GPATCH8: variants seen among roughly 807,000 people sequenced by gnomAD.
GPATCH8 encodes the protein G patch domain-containing protein 8.
In GPATCH8, 18 loss-of-function variants were observed where a neutral mutation model predicts 118.3. The ratio of observed to expected loss-of-function variants is 0.15; its 90% confidence interval spans 0.11 to 0.23. The LOEUF (loss-of-function observed/expected upper bound fraction) is 0.23, where lower values mean the gene tolerates loss of function less well. Ranked by LOEUF, GPATCH8 falls within the 10% of genes least tolerant of loss-of-function variation. The pLI is 1.00. For missense variants in GPATCH8, 1,631 were observed against 1,873.8 expected, an observed-to-expected ratio of 0.87 and a Z score of 2.39; for synonymous variants, 659 against 684.7, an observed-to-expected ratio of 0.96 and a Z score of 0.59.
chr17:44,407,943 T>C (rs936683351), intron 6 of GPATCH8, among the ~76,000 whole-genome samples: 1 of 151,846 alleles, frequency 6.6e-6, no homozygotes, highest in African/African-American at 2.4e-5. Flanking sequence ...AGGCATGAGA[T>C]ACCACACCCA....
chr17:44,461,991 C>T (rs1337016103), intron 3 of GPATCH8, among the ~76,000 whole-genome samples: 4 of 152,138 alleles, frequency 2.6e-5, no homozygotes, highest in Admixed American at 6.5e-5. Context: ...TAAGCCACAG[C>T]ACCCTGCCTA....
At chr17:44,488,590 C>T (rs1349502483) in intron 1 of GPATCH8, among the ~76,000 whole-genome samples, 8 of 149,612 alleles carry the variant, frequency 5.3e-5, no homozygotes, top group Non-Finnish European at 5.9e-5. Context: ...AGACTGGTCT[C>T]GAACTCCTGA....
At chr17:44,489,986 C>T (rs1413641306) in intron 1 of GPATCH8, among the ~76,000 whole-genome samples, 1 of 152,038 alleles carries the variant, frequency 6.6e-6, no homozygotes, top group African/African-American at 2.4e-5. Context: ...GATCATATAT[C>T]ATACAAACCA....
intron 6 of GPATCH8, among the ~76,000 whole-genome samples, chr17:44,415,208 C>A (rs1160977433): frequency 6.6e-6 from 1 of 152,228 alleles, no homozygotes; most frequent in Non-Finnish European, 1.5e-5. Flanking sequence ...TCTTCTCCAA[C>A]ACTTTGTTAG....
At chr17:44,414,568 CA>C (rs996863742) in intron 6 of GPATCH8, among the ~76,000 whole-genome samples, 1 of 152,194 alleles carries the variant, frequency 6.6e-6, no homozygotes, top group Non-Finnish European at 1.5e-5. Context: ...CTTGGCCTCC[CA>C]AAGTGTTTAC....
chr17:44,419,983 C>T (rs943738383), intron 6 of GPATCH8, among the ~76,000 whole-genome samples: 1 of 150,518 alleles, frequency 6.6e-6, no homozygotes, highest in African/African-American at 2.4e-5. Flanking sequence ...ACCTTTCAAG[C>T]AAATGAAGAA....
rs150194183 is a variant in GPATCH8, at chr17:44,398,231, A to G, written c.3846T>C (p.Tyr1282=). 3.5e-5 allele frequency: 57 copies of G among 1,613,092 alleles called. No homozygotes were observed. The South Asian group carries it at 4.6e-4, about 13-fold the overall frequency. The change falls in exon 8 of 8, where the codon TAT becomes TAC. Residue 1282 remains tyrosine, a synonymous_variant. Transcript: ENST00000591680. The part of the protein sequence containing the change: ...IAPDLEHFPS[Y]APPSGDPSIE... ...TACTAGGATCCCCACTGGGAGGTGCATAACTGGGGAAATGCTCAAGGTCTG... is the reference window on the plus strand; with the variant it reads ...TACTAGGATCCCCACTGGGAGGTGCGTAACTGGGGAAATGCTCAAGGTCTG...
chr17:44,492,107 C>T (rs1969290089), intron 1 of GPATCH8, among the ~76,000 whole-genome samples: 1 of 151,836 alleles, frequency 6.6e-6, no homozygotes, highest in Non-Finnish European at 1.5e-5. Flanking sequence ...CAAGACCAGC[C>T]TGGCCAACAT....
At chr17:44,480,371 G>A (rs1968128177) in intron 1 of GPATCH8, among the ~76,000 whole-genome samples, 1 of 151,770 alleles carries the variant, frequency 6.6e-6, no homozygotes, top group South Asian at 2.1e-4. Flanking sequence ...CACGAGGTCA[G>A]GAATTCAAGA....
intron 6 of GPATCH8, among the ~76,000 whole-genome samples, chr17:44,418,226 TATTA>T (rs1380656713): frequency 1.3e-5 from 2 of 152,270 alleles, no homozygotes; most frequent in Non-Finnish European, 2.9e-5. Context: ...GTGGTGCTGC[TATTA>T]ATTAATTTAC....
At chr17:44,425,653 C>T (rs2050064391) in intron 5 of GPATCH8, among the ~76,000 whole-genome samples, 1 of 152,130 alleles carries the variant, frequency 6.6e-6, no homozygotes, top group Non-Finnish European at 1.5e-5. Context: ...CTCGGCCTCC[C>T]AAGTATCTTG....
chr17:44,499,399 G>A lies in GPATCH8; in HGVS notation c.45+3927C>T, dbSNP rs556287704. On this transcript the variant is annotated intron_variant, in intron 1 of 7. Transcript: ENST00000591680. ...GCAGGAGAATCACTTGAACCCGGGAGGCGGAGGTTGAGGTGAGCCAAGATG... is the reference window on the plus strand; with the variant it reads ...GCAGGAGAATCACTTGAACCCGGGAAGCGGAGGTTGAGGTGAGCCAAGATG... Among the ~76,000 whole-genome samples, 965 of 152,334 alleles carry A rather than the reference G, an allele frequency of 6.3e-3. 6 individuals are homozygous for A. The highest frequency in any genetic ancestry group is 0.01 in the Middle Eastern group (3 of 294).
chr17:44,396,467 C>CA lies in GPATCH8; in HGVS notation c.*1100dup, dbSNP rs756549462. ...CAAATTACTTAACATTTTGTCCCAG[C>CA]AAAAAATGTTTTAACATTTTATAGT... is the stretch of plus-strand genomic sequence containing the variant. On this transcript the variant is annotated 3_prime_UTR_variant, in exon 8 of 8. Transcript: ENST00000591680. 5.2e-4 allele frequency: 235 copies of CA among 452,986 alleles called. No individual in the cohort carries two copies. The highest frequency in any genetic ancestry group is 8.5e-4 in the Non-Finnish European group (193 of 226,474). The allele number at this position is 452,986 out of a possible 1,614,324, so 28.1% of individuals were successfully genotyped here. A position where few individuals can be genotyped will look rare whatever the true frequency, so the allele number is the denominator to read the frequency against.
At chr17:44,489,267 A>C (rs911792556) in intron 1 of GPATCH8, among the ~76,000 whole-genome samples, 6 of 152,058 alleles carry the variant, frequency 3.9e-5, no homozygotes, top group African/African-American at 1.4e-4. Flanking sequence ...ATGCAATTGG[A>C]AATAGTGGGG....
chr17:44,421,961 T>G (rs1167436761), intron 6 of GPATCH8, among the ~76,000 whole-genome samples: 1 of 150,522 alleles, frequency 6.6e-6, no homozygotes, highest in Non-Finnish European at 1.5e-5. Flanking sequence ...TGGCTTCATG[T>G]GACTCTGTCC....
intron 4 of GPATCH8, among the ~76,000 whole-genome samples, chr17:44,435,660 G>C (rs928171606): frequency 4.1e-5 from 6 of 147,740 alleles, no homozygotes; most frequent in Admixed American, 4.0e-4. Flanking sequence ...CAGGTGATCT[G>C]CTTGTCTCGG....
chr17:44,488,140 G>A (rs1968935849), intron 1 of GPATCH8, among the ~76,000 whole-genome samples: 1 of 150,734 alleles, frequency 6.6e-6, no homozygotes, highest in African/African-American at 2.4e-5. Flanking sequence ...AGCCAGGATG[G>A]TCTCAATCTC....
At chr17:44,463,788 T>C (rs117964596) in intron 3 of GPATCH8, among the ~76,000 whole-genome samples, 2,704 of 152,352 alleles carry the variant, frequency 0.018, 38 homozygotes, top group Non-Finnish European at 0.026. Context: ...GGTTTCCAAC[T>C]AGGGAGAACT....
chr17:44,499,769 T>C (rs905500748), intron 1 of GPATCH8, among the ~76,000 whole-genome samples: 5 of 152,170 alleles, frequency 3.3e-5, no homozygotes, highest in African/African-American at 1.2e-4. Flanking sequence ...TATATCTTAA[T>C]CTGGTAAATG....
Sources: gnomAD v4.1 joint callset for allele counts (sites outside exome capture counted in the v4.1 genomes callset) on GRCh38, gnomAD v4.1.1 for gene constraint, MANE v1.5 for transcripts, NCBI Gene and HGNC (gene_info 2026-07-23, HGNC 2026-07-21) for gene names.